Variants in NRG3 observed in about 807,000 individuals in gnomAD.
NRG3 encodes the protein pro-neuregulin-3, membrane-bound isoform.
In NRG3, 31 loss-of-function variants were observed where a neutral mutation model predicts 66.9. The ratio of observed to expected loss-of-function variants is 0.46; its 90% CI spans 0.35 to 0.63. NRG3 has a LOEUF of 0.63. Among genes scored for constraint, NRG3 ranks in the 20% least tolerant of loss-of-function variants. The probability of loss-of-function intolerance (pLI) is 0.00; values close to 1 mark genes in which losing one functional copy is unlikely to be tolerated. For synonymous variants in NRG3, 393 were observed against 359.4 expected (o/e 1.09, Z -1.06); for missense variants, 910 against 878.9 (o/e 1.04, Z -0.45).
chr10:82,366,325 A>C (rs2084519822), intron 2 of NRG3, among the ~76,000 whole-genome samples: 1 of 152,178 alleles, frequency 6.6e-6, no homozygotes, highest in South Asian at 2.1e-4. Context: ...CCGTGAGAGA[A>C]ATTGTACCAG....
At chr10:82,744,555 T>G (rs777710027) in intron 3 of NRG3, among the ~76,000 whole-genome samples, 7 of 152,160 alleles carry the variant, frequency 4.6e-5, no homozygotes, top group Non-Finnish European at 8.8e-5. Flanking sequence ...GGATTAGGTT[T>G]CCACATAAGA....
chr10:81,964,395 C>CAAAAAAAAAAA (rs58231167), intron 1 of NRG3, among the ~76,000 whole-genome samples: 4 of 65,844 alleles, frequency 6.1e-5, no homozygotes, highest in Non-Finnish European at 1.3e-4. Context: ...GACTCTGTCT[C>CAAAAAAAAAAA]AAAAAAAAAA....
chr10:81,922,267 G>T (rs540047454), intron 1 of NRG3, among the ~76,000 whole-genome samples: 1 of 152,090 alleles, frequency 6.6e-6, no homozygotes, highest in East Asian at 1.9e-4. Flanking sequence ...ATAATGTTTT[G>T]TATTATTACA....
At chr10:82,015,921 G>C (rs1407469161) in intron 1 of NRG3, among the ~76,000 whole-genome samples, 3 of 151,128 alleles carry the variant, frequency 2.0e-5, no homozygotes, top group Non-Finnish European at 1.5e-5. Flanking sequence ...ATGAAGCCAG[G>C]CACATGTAAG....
intron 1 of NRG3, among the ~76,000 whole-genome samples, chr10:81,896,675 G>C (rs1216727070): frequency 6.9e-6 from 1 of 145,432 alleles, no homozygotes; most frequent in Non-Finnish European, 1.5e-5. Flanking sequence ...TTTTTTTTTG[G>C]TTTTCTTTAA....
chr10:82,259,098 T>C (rs2077886653), intron 1 of NRG3, among the ~76,000 whole-genome samples: 1 of 152,160 alleles, frequency 6.6e-6, no homozygotes, highest in Non-Finnish European at 1.5e-5. Context: ...ATGGAATTAA[T>C]GCAACCCCAT....
At chr10:81,970,687 GA>G (rs2059902868) in intron 1 of NRG3, among the ~76,000 whole-genome samples, 1 of 151,854 alleles carries the variant, frequency 6.6e-6, no homozygotes, top group Admixed American at 6.6e-5. Flanking sequence ...TGGTGTGTGT[GA>G]AAAAAATATG....
intron 1 of NRG3, among the ~76,000 whole-genome samples, chr10:81,999,117 A>C (rs1428219560): frequency 6.6e-6 from 1 of 152,242 alleles, no homozygotes; most frequent in African/African-American, 2.4e-5. Flanking sequence ...AAGTGTTTTT[A>C]AAGAGAAATA....
chr10:82,141,892 C>T (rs2069812557), intron 1 of NRG3, among the ~76,000 whole-genome samples: 1 of 152,152 alleles, frequency 6.6e-6, no homozygotes, highest in African/African-American at 2.4e-5. Context: ...TCCTTTACCT[C>T]CTCTTCCAGA....
At chr10:82,107,394 T>C (rs914801968) in intron 1 of NRG3, among the ~76,000 whole-genome samples, 1 of 152,210 alleles carries the variant, frequency 6.6e-6, no homozygotes, top group Non-Finnish European at 1.5e-5. Context: ...AAGATGTTGC[T>C]GATAAGGACC....
chr10:82,207,259 G>T (rs1041097156), intron 1 of NRG3, among the ~76,000 whole-genome samples: 4 of 152,052 alleles, frequency 2.6e-5, no homozygotes, highest in Non-Finnish European at 4.4e-5. Context: ...CACTTTTTTA[G>T]TGTTATCTAT....
chr10:82,924,322 C>T (rs925702734), intron 4 of NRG3, among the ~76,000 whole-genome samples: 1 of 151,926 alleles, frequency 6.6e-6, no homozygotes, highest in African/African-American at 2.4e-5. Flanking sequence ...AATCAATCGC[C>T]TAAGTATCCC....
chr10:82,496,676 A>G (rs74146106), intron 2 of NRG3, among the ~76,000 whole-genome samples: 2 of 152,290 alleles, frequency 1.3e-5, no homozygotes, highest in African/African-American at 4.8e-5. Flanking sequence ...TACCTTAAAT[A>G]TCAAACACCA....
chr10:82,932,555 ATGT>A (rs928514075), intron 4 of NRG3, among the ~76,000 whole-genome samples: 5 of 152,038 alleles, frequency 3.3e-5, no homozygotes, highest in African/African-American at 1.2e-4. Context: ...CATAAAGAAC[ATGT>A]TGGATCTTTC....
chr10:81,966,484 A>AT (rs1257204661), intron 1 of NRG3, among the ~76,000 whole-genome samples: 2 of 151,692 alleles, frequency 1.3e-5, no homozygotes, highest in Admixed American at 6.6e-5. Flanking sequence ...ATTTATTTAT[A>AT]TTTTTTGTAG....
At chr10:81,879,685 A>G (rs1021363603) in intron 1 of NRG3, among the ~76,000 whole-genome samples, 1 of 152,242 alleles carries the variant, frequency 6.6e-6, no homozygotes, top group Non-Finnish European at 1.5e-5. Context: ...TAAGCAAGGT[A>G]TGGAGGCAAT....
chr10:81,965,639 T>C (rs1041642347), intron 1 of NRG3, among the ~76,000 whole-genome samples: 1 of 152,152 alleles, frequency 6.6e-6, no homozygotes, highest in Non-Finnish European at 1.5e-5. Context: ...TTATTAGATT[T>C]ATCCTCAGAT....
At chr10:82,771,579 C>A (rs1331267339) in intron 3 of NRG3, among the ~76,000 whole-genome samples, 3 of 152,086 alleles carry the variant, frequency 2.0e-5, no homozygotes, top group Admixed American at 6.6e-5. Flanking sequence ...AAGCTGGTTG[C>A]CGCAGAGGGA....
chr10:82,586,046 A>G lies in NRG3; in HGVS notation c.954-152531A>G, dbSNP rs80196908. On this transcript the variant is annotated intron_variant, in intron 2 of 8. Coordinates refer to ENST00000372141, the MANE Select transcript of NRG3 (RefSeq NM_001010848.4). ...TAGGGAAGAATATTTCTTGTTTTGA[A>G]GGAGCATAATGATTTGCAAATCATG... Among the ~76,000 whole-genome samples, 685 of 152,268 alleles carry G rather than the reference A, an allele frequency of 4.5e-3. 9 individuals are homozygous for G. Among genetic ancestry groups the G allele is most frequent in the African/African-American group, 0.016 (649 of 41,568 alleles).
Sources: gnomAD v4.1 joint callset for allele counts (sites outside exome capture counted in the v4.1 genomes callset) on GRCh38, gnomAD v4.1.1 for gene constraint, MANE v1.5 for transcripts, NCBI Gene and HGNC (gene_info 2026-07-23, HGNC 2026-07-21) for gene names.